EEPD1: variants seen among roughly 807,000 people sequenced by gnomAD.
The protein encoded by EEPD1 is endonuclease/exonuclease/phosphatase family domain-containing protein 1.
EEPD1 carries 17 observed loss-of-function variants against 46.3 expected under a neutral mutation model. The ratio of observed to expected loss-of-function variants is 0.37; its 90% confidence interval spans 0.25 to 0.55. The LOEUF is 0.55. Among genes scored for constraint, EEPD1 ranks in the 20% least tolerant of loss-of-function variants. The probability of loss-of-function intolerance (pLI) is 0.83; values close to 1 mark genes in which losing one functional copy is unlikely to be tolerated. For synonymous variants in EEPD1, 313 were observed against 315.6 expected (o/e 0.99, Z 0.09); for missense variants, 673 against 745.6 (o/e 0.90, Z 1.13).
chr7:36,244,767 A>ATTTTTT (rs140539379), intron 3 of EEPD1, among the ~76,000 whole-genome samples: 3 of 108,436 alleles, frequency 2.8e-5, no homozygotes, highest in Non-Finnish European at 3.7e-5. Flanking sequence ...TTCAGAGTTG[A>ATTTTTT]TTTTTTTTTT....
At chr7:36,249,813 G>GA (rs1231617525) in intron 3 of EEPD1, among the ~76,000 whole-genome samples, 2 of 152,096 alleles carry the variant, frequency 1.3e-5, no homozygotes, top group African/African-American at 4.8e-5. Context: ...TAACTTAAGA[G>GA]AAAAACCTTA....
At position 36,299,644 on chromosome 7, in the gene EEPD1, T is replaced by G; in HGVS notation, c.*438T>G. On this transcript the variant is annotated 3_prime_UTR_variant, in exon 8 of 8. Coordinates refer to ENST00000242108, the MANE Select transcript of EEPD1 (RefSeq NM_030636.3). The stretch of plus-strand genomic sequence containing the variant: ...CCTGCTGCGCATTACAGAAAGCTTT[T>G]AACTGTGATCAGGCACTCTGCTCAG... 2 of 177,108 alleles carry G rather than the reference T, an allele frequency of 1.1e-5. No homozygotes were observed. The highest frequency in any genetic ancestry group is 1.2e-5 in the Non-Finnish European group (1 of 83,146). 11.0% of individuals were successfully genotyped at this position (177,108 alleles called of 1,614,324 possible).
At chr7:36,196,753 G>A (rs1318558482) in intron 2 of EEPD1, among the ~76,000 whole-genome samples, 1 of 152,196 alleles carries the variant, frequency 6.6e-6, no homozygotes, top group Non-Finnish European at 1.5e-5. Context: ...GCGTGATCTC[G>A]GCTCGCTACG....
intron 2 of EEPD1, among the ~76,000 whole-genome samples, chr7:36,174,530 T>G (rs1785145862): frequency 6.6e-6 from 1 of 152,224 alleles, no homozygotes; most frequent in Non-Finnish European, 1.5e-5. Context: ...CCTACCCATG[T>G]TACACAGGCC....
intron 3 of EEPD1, among the ~76,000 whole-genome samples, chr7:36,253,886 C>T (rs1786785325): frequency 6.6e-6 from 1 of 152,050 alleles, no homozygotes; most frequent in South Asian, 2.1e-4. Context: ...CACTTTTAGT[C>T]TCTACCTTTT....
chr7:36,259,587 G>T (rs1737670776), intron 3 of EEPD1, among the ~76,000 whole-genome samples: 1 of 151,976 alleles, frequency 6.6e-6, no homozygotes. Context: ...TCAGCTCACT[G>T]CAGCCTCAAT....
chr7:36,205,127 A>G (rs1785787350), intron 2 of EEPD1, among the ~76,000 whole-genome samples: 1 of 152,094 alleles, frequency 6.6e-6, no homozygotes, highest in South Asian at 2.1e-4. Context: ...GTGTTCAGAG[A>G]CCTGGCCCTC....
intron 2 of EEPD1, among the ~76,000 whole-genome samples, chr7:36,234,825 C>A (rs1786401067): frequency 6.6e-6 from 1 of 152,096 alleles, no homozygotes; most frequent in Non-Finnish European, 1.5e-5. Flanking sequence ...AGTGTCGTCA[C>A]ACCATCCATA....
intron 2 of EEPD1, among the ~76,000 whole-genome samples, chr7:36,167,348 C>T (rs576026441): frequency 3.7e-4 from 57 of 152,206 alleles, no homozygotes; most frequent in Admixed American, 2.1e-3. Flanking sequence ...GGAGGGATGA[C>T]GATTTCAAAG....
chr7:36,262,087 C>T (rs1013719983), intron 3 of EEPD1, among the ~76,000 whole-genome samples: 5 of 152,156 alleles, frequency 3.3e-5, no homozygotes, highest in African/African-American at 1.2e-4. Context: ...ACTTGGTTTC[C>T]CCCCACCCAC....
intron 2 of EEPD1, among the ~76,000 whole-genome samples, chr7:36,210,588 C>G (rs1785909852): frequency 6.6e-6 from 1 of 152,172 alleles, no homozygotes; most frequent in African/African-American, 2.4e-5. Context: ...CTGAGCCCTT[C>G]CCTGGGACCT....
Position 36,273,129 on chromosome 7 carries a change from T to TACACACACACAC in EEPD1, c.931-7965_931-7954dup, listed in dbSNP as rs10578694. On this transcript the variant is annotated intron_variant, in intron 3 of 7. Coordinates refer to ENST00000242108, the MANE Select transcript of EEPD1 (RefSeq NM_030636.3). ...AGTTGGAATGCATTTGGTGCATGCT[T>TACACACACACAC]ACACACACACACACACACACACACA... 7.3e-4 allele frequency among the ~76,000 whole-genome samples: 108 copies of TACACACACACAC among 148,546 alleles called. 1 individual carries two copies. The highest frequency in any genetic ancestry group is 3.4e-3 in the Middle Eastern group (1 of 290).
At position 36,266,289 on chromosome 7, in the gene EEPD1, A is replaced by G. The variant is rs116201353; in HGVS notation, c.931-14826A>G. Reference sequence around the variant, plus strand: ...TAAAACTGTCTTTTTTTGCACTTCAAAGAGCCAGTATTCCAAGAATTACTG... The same window carrying G: ...TAAAACTGTCTTTTTTTGCACTTCAGAGAGCCAGTATTCCAAGAATTACTG... On this transcript the variant is annotated intron_variant, in intron 3 of 7. Coordinates refer to ENST00000242108, the MANE Select transcript of EEPD1 (RefSeq NM_030636.3). 1.4e-3 allele frequency among the ~76,000 whole-genome samples: 211 copies of G among 152,290 alleles called. 1 individual carries two copies. Among genetic ancestry groups the G allele is most frequent in the African/African-American group, 4.9e-3 (204 of 41,574 alleles).
At chr7:36,208,018 C>T (rs1226101953) in intron 2 of EEPD1, among the ~76,000 whole-genome samples, 2 of 151,916 alleles carry the variant, frequency 1.3e-5, no homozygotes, top group African/African-American at 2.4e-5. Context: ...CCTCCAGGAA[C>T]GGTGCCTCCT....
chr7:36,195,176 A>G (rs1785556055), intron 2 of EEPD1, among the ~76,000 whole-genome samples: 1 of 152,170 alleles, frequency 6.6e-6, no homozygotes, highest in Admixed American at 6.5e-5. Flanking sequence ...TGGGAGGGGA[A>G]CAGGCTTCTT....
In EEPD1 at chr7:36,154,599, A is replaced by G; in HGVS notation, c.275A>G (p.Glu92Gly). Residue 92 changes from glutamate to glycine, a missense_variant, in exon 2 of 8, where the codon GAG (glutamate) becomes GGG (glycine). Physicochemically the swap from Glu to Gly is moderately conservative, Grantham distance 98. Coordinates refer to ENST00000242108, the MANE Select transcript of EEPD1 (RefSeq NM_030636.3). This position sits in a 1 kb window ranked among gnomAD's most constrained non-coding sequence, Gnocchi z 4.2. ...LVSGVGATKL[E>G]QVKFEICVSS... ...AGTGGTGTAGGCGCCACCAAGCTGG[A>G]GCAGGTCAAGTTTGAGATCTGTGTG... is the stretch of plus-strand genomic sequence containing the variant. The G allele has an allele frequency of 1.2e-6, 2 of 1,614,048 alleles. No homozygotes were observed. The highest frequency in any genetic ancestry group is 2.2e-5 in the East Asian group (1 of 44,884).
chr7:36,241,877 C>T (rs993654635), intron 3 of EEPD1, among the ~76,000 whole-genome samples: 3 of 152,270 alleles, frequency 2.0e-5, no homozygotes, highest in East Asian at 3.9e-4. Context: ...CAGAAAAAAA[C>T]CCAAAAATAA....
Position 36,237,688 on chromosome 7 carries a change from C to G in EEPD1, c.879-1297C>G, listed in dbSNP as rs539546655. 4.6e-5 allele frequency among the ~76,000 whole-genome samples: 7 copies of G among 152,254 alleles called. No individual in the cohort carries two copies. The South Asian group carries it at 1.5e-3, about 32-fold the overall frequency. On this transcript the variant is annotated intron_variant, in intron 2 of 7. Transcript: ENST00000242108. ...CCTGAGGTCAAGCACAGTGGACTCA[C>G]GCCTGTAATCCCAGCACTTTGGGAG... is the stretch of plus-strand genomic sequence containing the variant.
At chr7:36,172,091 G>C (rs1324822963) in intron 2 of EEPD1, among the ~76,000 whole-genome samples, 3 of 152,014 alleles carry the variant, frequency 2.0e-5, no homozygotes, top group Non-Finnish European at 4.4e-5. Flanking sequence ...GGGGACTCAG[G>C]GCTCTTCTGT....
Sources: allele counts gnomAD v4.1 joint callset (sites outside exome capture counted in the v4.1 genomes callset), GRCh38; gene constraint gnomAD v4.1.1; non-coding constraint Gnocchi (gnomAD v3.1); transcripts MANE v1.5; gene names NCBI Gene and HGNC (gene_info 2026-07-23, HGNC 2026-07-21).